Variants in FAR2 observed in about 807,000 individuals in gnomAD.
FAR2 encodes fatty acyl-CoA reductase 2.
In FAR2, 19 loss-of-function variants were observed where a neutral mutation model predicts 56.0. That is an observed-to-expected ratio of 0.34 (90% CI 0.24 to 0.50). FAR2 has a LOEUF of 0.50. Among genes scored for constraint, FAR2 ranks in the 20% least tolerant of loss-of-function variants. The pLI, the probability that FAR2 is intolerant of heterozygous loss-of-function variation, is 0.98. For missense variants in FAR2, 508 were observed against 642.2 expected, an observed-to-expected ratio of 0.79 and a Z score of 2.26; for synonymous variants, 219 against 218.8, an observed-to-expected ratio of 1.00 and a Z score of -0.01.
intron 1 of FAR2, among the ~76,000 whole-genome samples, chr12:29,245,278 C>G (rs563972035): frequency 6.6e-6 from 1 of 152,198 alleles, no homozygotes; most frequent in South Asian, 2.1e-4. Context: ...CTGCGCCTGG[C>G]CCTGTCTGCC....
intron 1 of FAR2, among the ~76,000 whole-genome samples, chr12:29,268,549 C>T (rs767114709): frequency 3.9e-5 from 6 of 152,168 alleles, no homozygotes; most frequent in African/African-American, 1.4e-4. Flanking sequence ...CAGGGCACAC[C>T]AAAACCTGTG....
At chr12:29,190,084 G>A (rs1429572871) in intron 1 of FAR2, among the ~76,000 whole-genome samples, 1 of 152,194 alleles carries the variant, frequency 6.6e-6, no homozygotes, top group Non-Finnish European at 1.5e-5. Context: ...GAATACTAGG[G>A]AAGGCGCAGC....
intron 1 of FAR2, among the ~76,000 whole-genome samples, chr12:29,218,390 T>C (rs1367299729): frequency 6.6e-6 from 1 of 150,586 alleles, no homozygotes; most frequent in Non-Finnish European, 1.5e-5. Flanking sequence ...GATTATATAA[T>C]ATTCACAGAA....
intron 1 of FAR2, among the ~76,000 whole-genome samples, chr12:29,210,382 C>T (rs1947530911): frequency 1.3e-5 from 2 of 152,160 alleles, no homozygotes; most frequent in African/African-American, 4.8e-5. Context: ...GTGTCTATTT[C>T]AAGACTGATT....
At chr12:29,317,318 C>T (rs1949466886) in intron 9 of FAR2, among the ~76,000 whole-genome samples, 1 of 152,190 alleles carries the variant, frequency 6.6e-6, no homozygotes, top group Non-Finnish European at 1.5e-5. Flanking sequence ...TGTAAGATTA[C>T]CTTCAGGCTC....
chr12:29,206,864 C>T lies in FAR2; in HGVS notation c.-39+57457C>T. Among the ~76,000 whole-genome samples the T allele has an allele frequency of 1.3e-5, 2 of 152,004 alleles. 1 individual carries two copies. The highest frequency in any genetic ancestry group is 3.9e-4 in the East Asian group (2 of 5,176). ...GATTTGGTGTGAGCATCGGATAGGTCAGTGATTCTCAACCCACCCTGGACA... is the reference window on the plus strand; with the variant it reads ...GATTTGGTGTGAGCATCGGATAGGTTAGTGATTCTCAACCCACCCTGGACA... On this transcript the variant is annotated intron_variant, in intron 1 of 11. Coordinates refer to ENST00000536681, the MANE Select transcript of FAR2 (RefSeq NM_001271783.2).
At chr12:29,193,702 A>G (rs1273213814) in intron 1 of FAR2, among the ~76,000 whole-genome samples, 2 of 152,258 alleles carry the variant, frequency 1.3e-5, no homozygotes, top group Admixed American at 6.5e-5. Context: ...TCAAGTTGCT[A>G]TCAACATTTG....
chr12:29,312,005 A>T, intron 8 of FAR2, 55 bp downstream of exon 8: 2 of 1,311,624 alleles, frequency 1.5e-6, no homozygotes, highest in Non-Finnish European at 1.1e-6. Context: ...ACAGAGAAAA[A>T]GTTGACAAAG....
chr12:29,293,146 CAT>C (rs1268642253), intron 2 of FAR2, 152 bp from the exon 3 acceptor site: 1 of 567,096 alleles, frequency 1.8e-6, no homozygotes, highest in African/African-American at 2.0e-5. Context: ...AGATTACAGG[CAT>C]ATGCCACCAT....
rs768744016 is a variant in FAR2 at position 29,334,421 on chromosome 12, A to C, written c.*627A>C. On this transcript the variant is annotated 3_prime_UTR_variant, in exon 12 of 12. Coordinates refer to ENST00000536681, the MANE Select transcript of FAR2 (RefSeq NM_001271783.2). The stretch of plus-strand genomic sequence containing the variant: ...TTAAAAAGGAACAAGAAGTGTAAAT[A>C]AGTATGTATAGAGTGAGGGATTAAG... 2.0e-5 allele frequency: 3 copies of C among 152,196 alleles called. No homozygotes were observed. The highest frequency in any genetic ancestry group is 4.4e-5 in the Non-Finnish European group (3 of 68,036). 9.4% of individuals were successfully genotyped at this position (152,196 alleles called of 1,614,324 possible).
Position 29,206,076 on chromosome 12 carries a change from C to G in FAR2, c.-39+56669C>G, listed in dbSNP as rs565927264. 2.0e-5 allele frequency among the ~76,000 whole-genome samples: 3 copies of G among 152,296 alleles called. No individual in the cohort carries two copies. The South Asian group carries it at 6.2e-4, about 32-fold the overall frequency. ...ACTAGTCATTGCTGGGAAGCATATT[C>G]AGCCAGTGAGAATGGTTCTATACCA... On this transcript the variant is annotated intron_variant, in intron 1 of 11. Transcript: ENST00000536681.
intron 1 of FAR2, among the ~76,000 whole-genome samples, chr12:29,199,681 T>G (rs548037396): frequency 1.8e-4 from 17 of 93,292 alleles, no homozygotes; most frequent in Admixed American, 1.3e-3. Flanking sequence ...ATGGACAAGA[T>G]TCACATATTC....
intron 1 of FAR2, among the ~76,000 whole-genome samples, chr12:29,228,603 T>G (rs1360171321): frequency 6.6e-6 from 1 of 152,180 alleles, no homozygotes; most frequent in Non-Finnish European, 1.5e-5. Context: ...TTTGTTTGTT[T>G]TTACAGTCGA....
Position 29,293,440 on chromosome 12 carries a change from C to T in FAR2, c.330C>T (p.His110=). The change falls in exon 3 of 12, where the codon CAC becomes CAT. Residue 110 remains histidine (H), a synonymous_variant. Transcript: ENST00000536681. ...TCTCCTGTACAAACATAATATTTCA[C>T]TGTGCAGCCACTGTACGCTTTGACG... The part of the protein sequence containing the change: ...ELLSCTNIIF[H]CAATVRFDDT... 6.2e-7 allele frequency: 1 copy of T among 1,604,048 alleles called. No individual in the cohort carries two copies. The highest frequency in any genetic ancestry group is 8.5e-7 in the Non-Finnish European group (1 of 1,176,066).
chr12:29,286,064 G>GACAC (rs55752247), intron 2 of FAR2, among the ~76,000 whole-genome samples: 139 of 150,882 alleles, frequency 9.2e-4, no homozygotes, highest in African/African-American at 3.1e-3. Flanking sequence ...CACACACACA[G>GACAC]ACACACACAC....
chr12:29,182,678 T>C (rs149101131), intron 1 of FAR2, among the ~76,000 whole-genome samples: 1 of 152,260 alleles, frequency 6.6e-6, no homozygotes, highest in African/African-American at 2.4e-5. Context: ...CTGGAAGGGG[T>C]CATATCTTTC....
At chr12:29,325,905 C>T (rs1257366336) in intron 10 of FAR2, among the ~76,000 whole-genome samples, 3 of 152,046 alleles carry the variant, frequency 2.0e-5, no homozygotes, top group Admixed American at 6.6e-5. Flanking sequence ...AAGAGCAGAG[C>T]AGAACTGAAG....
rs529622862 is a variant in FAR2, at chr12:29,179,346, TCTC to T, written c.-39+29942_-39+29944del. ...CAAGGACACTTATATGTAGCAGGCT[TCTC>T]CTGTGCCTGGAACATTGGGCTAGGT... On this transcript the variant is annotated intron_variant, in intron 1 of 11. Transcript: ENST00000536681. Among the ~76,000 whole-genome samples, 126 of 152,298 alleles carry T rather than the reference TCTC, an allele frequency of 8.3e-4. 1 individual carries two copies. Among genetic ancestry groups the T allele is most frequent in the African/African-American group, 2.9e-3 (119 of 41,562 alleles).
intron 1 of FAR2, among the ~76,000 whole-genome samples, chr12:29,223,499 A>G (rs1947723044): frequency 6.6e-6 from 1 of 152,236 alleles, no homozygotes; most frequent in Admixed American, 6.5e-5. Flanking sequence ...GAATGAATTA[A>G]CAAAAGGACT....
Sources: allele counts gnomAD v4.1 joint callset (sites outside exome capture counted in the v4.1 genomes callset), GRCh38; gene constraint gnomAD v4.1.1; transcripts MANE v1.5; gene names NCBI Gene and HGNC (gene_info 2026-07-23, HGNC 2026-07-21).